The following ENPEP variants were observed in gnomAD, a reference collection of about 807,000 sequenced individuals.
The protein encoded by ENPEP is AP-A.
A neutral mutation model predicts 114.5 loss-of-function variants in ENPEP; 103 were observed. The observed-to-expected ratio is 0.90, with a 90% CI of 0.77 to 1.06. ENPEP has a LOEUF of 1.06. ENPEP is among the 50% of genes least tolerant of loss of function. The pLI is 0.00. For synonymous variants in ENPEP, 420 were observed against 422.0 expected (o/e 1.00, Z 0.06); for missense variants, 1,196 against 1,161.3 (o/e 1.03, Z -0.43).
At chr4:110,514,554 C>A (rs1472716322) in intron 7 of ENPEP, among the ~76,000 whole-genome samples, 1 of 151,970 alleles carries the variant, frequency 6.6e-6, no homozygotes, top group South Asian at 2.1e-4. Flanking sequence ...TTTATTCAAT[C>A]ATTTTTCCCC....
At chr4:110,531,750 T>A (rs2110375053) in intron 11 of ENPEP, among the ~76,000 whole-genome samples, 1 of 152,268 alleles carries the variant, frequency 6.6e-6, no homozygotes, top group Admixed American at 6.5e-5. Context: ...TAGAGTTGTA[T>A]AAAAACAAGT....
intron 12 of ENPEP, 51 bp downstream of exon 12, chr4:110,542,938 T>G (rs1423398235): frequency 6.2e-7 from 1 of 1,610,786 alleles, no homozygotes; most frequent in Admixed American, 1.7e-5. Flanking sequence ...AAGAACAGCA[T>G]CTTAATGATA....
At chr4:110,482,722 T>C (rs565420023) in intron 1 of ENPEP, among the ~76,000 whole-genome samples, 4 of 152,294 alleles carry the variant, frequency 2.6e-5, no homozygotes, top group Non-Finnish European at 4.4e-5. Flanking sequence ...AAAGAATAGA[T>C]TTTAGGTTGG....
rs146261286 is a variant in ENPEP at position 110,520,284 on chromosome 4, G to A, written c.1645G>A (p.Val549Met). Residue 549 changes from valine (V) to methionine (M), a missense_variant, in exon 10 of 20, where the codon GTG (valine) becomes ATG (methionine). Transcript: ENST00000265162. ...ACAGATGGGTTATCCTGTGCTTAAC[G>A]TGAACGGTGTCAAGAACATCACACA... The part of the protein sequence containing the change: ...TRQMGYPVLN[V>M]NGVKNITQKR... The A allele has an allele frequency of 4.0e-5, 64 of 1,613,912 alleles. No homozygotes were observed. Among genetic ancestry groups the A allele is most frequent in the East Asian group, 1.6e-4 (7 of 44,878 alleles).
intron 13 of ENPEP, among the ~76,000 whole-genome samples, chr4:110,546,927 A>G (rs1319159813): frequency 6.6e-6 from 1 of 152,076 alleles, no homozygotes; most frequent in Non-Finnish European, 1.5e-5. Flanking sequence ...CTAGCCAAAG[A>G]ACCCAAGCAC....
At chr4:110,489,439 T>A (rs1724620653) in intron 2 of ENPEP, among the ~76,000 whole-genome samples, 1 of 152,054 alleles carries the variant, frequency 6.6e-6, no homozygotes, top group South Asian at 2.1e-4. Context: ...CGACAGCATT[T>A]GGAGAAATAC....
chr4:110,534,067 A>G (rs1726513635), intron 11 of ENPEP, among the ~76,000 whole-genome samples: 1 of 152,100 alleles, frequency 6.6e-6, no homozygotes, highest in African/African-American at 2.4e-5. Flanking sequence ...TTCCTGTTTA[A>G]GGACATCTTC....
At chr4:110,498,266 G>C (rs1308221310) in intron 3 of ENPEP, among the ~76,000 whole-genome samples, 1 of 152,068 alleles carries the variant, frequency 6.6e-6, no homozygotes, top group Admixed American at 6.6e-5. Flanking sequence ...GAGTGCCAAG[G>C]ATCTCAGCTT....
At chr4:110,509,192 T>A (rs1725482244) in intron 4 of ENPEP, among the ~76,000 whole-genome samples, 1 of 152,236 alleles carries the variant, frequency 6.6e-6, no homozygotes, top group Non-Finnish European at 1.5e-5. Context: ...GGTATTTCTA[T>A]CAATATTTTA....
At position 110,476,626 on chromosome 4, in the gene ENPEP, C is replaced by T; in HGVS notation, c.212C>T (p.Pro71Leu). 6.2e-7 allele frequency: 1 copy of T among 1,614,198 alleles called. No homozygotes were observed. The highest frequency in any genetic ancestry group is 8.5e-7 in the Non-Finnish European group (1 of 1,180,052). The change falls in exon 1 of 20, where the codon CCT (proline) becomes CTT (leucine). Residue 71 changes from proline to leucine, a missense_variant. Transcript: ENST00000265162. ...TCCACGGCCAGCCCCTCAGGTCCTC[C>T]TGCCCAGGACCAGGACATCTGCCCG... ...PSSTASPSGPPAQDQDICPAS... is the reference protein window; with the variant it reads ...PSSTASPSGPLAQDQDICPAS...
In ENPEP at chr4:110,561,717, C is replaced by T; in HGVS notation, c.*159C>T. 3.0e-6 allele frequency: 2 copies of T among 664,634 alleles called. No individual in the cohort carries two copies. Among genetic ancestry groups the T allele is most frequent in the South Asian group, 2.3e-5 (1 of 44,430 alleles). The allele number at this position is 664,634 out of a possible 1,614,324, so 41.2% of individuals were successfully genotyped here. A position where few individuals can be genotyped will look rare whatever the true frequency, so the allele number is the denominator to read the frequency against. On this transcript the variant is annotated 3_prime_UTR_variant, in exon 20 of 20. Transcript: ENST00000265162. ...GTCTTGCAAAGCCTTTAAATTGTTCCTCTTTGTTTATGAAGAAAGATACTA... is the reference window on the plus strand; with the variant it reads ...GTCTTGCAAAGCCTTTAAATTGTTCTTCTTTGTTTATGAAGAAAGATACTA...
At chr4:110,480,841 G>C (rs181273093) in intron 1 of ENPEP, among the ~76,000 whole-genome samples, 1 of 152,074 alleles carries the variant, frequency 6.6e-6, no homozygotes, top group Non-Finnish European at 1.5e-5. Context: ...TTCCTTTATC[G>C]ATCTACCTCT....
In ENPEP at chr4:110,505,576, C is replaced by T. The variant is rs779582706; in HGVS notation, c.919-1061C>T. 4.6e-5 allele frequency among the ~76,000 whole-genome samples: 7 copies of T among 152,160 alleles called. 1 individual carries two copies. Among genetic ancestry groups the T allele is most frequent in the South Asian group, 4.1e-4 (2 of 4,830 alleles). Reference sequence around the variant, plus strand: ...CCTAAGTGAATACCAAAACTAGCAACGCATTGGGAATAATAAAGAGAGTGG... The same window carrying T: ...CCTAAGTGAATACCAAAACTAGCAATGCATTGGGAATAATAAAGAGAGTGG... On this transcript the variant is annotated intron_variant, in intron 3 of 19. Coordinates refer to ENST00000265162, the MANE Select transcript of ENPEP (RefSeq NM_001977.4).
chr4:110,503,151 A>G (rs9992936), intron 3 of ENPEP, among the ~76,000 whole-genome samples: 87,197 of 151,784 alleles, frequency 0.57, 25,203 homozygotes, highest in East Asian at 0.68. Flanking sequence ...GAGAATATGC[A>G]GTGTTTGGTT....
chr4:110,501,553 T>C (rs1263399316), intron 3 of ENPEP, among the ~76,000 whole-genome samples: 1 of 152,222 alleles, frequency 6.6e-6, no homozygotes, highest in Non-Finnish European at 1.5e-5. Context: ...TCTGCTGCTA[T>C]GCTAGTTCTC....
intron 8 of ENPEP, chr4:110,515,888 G>C (rs1725746688): frequency 2.3e-6 from 1 of 433,042 alleles, no homozygotes; most frequent in African/African-American, 2.0e-5. Context: ...TCATAGCAGA[G>C]AGAGAGAGAG....
chr4:110,556,987 A>G (rs999124411), intron 18 of ENPEP, among the ~76,000 whole-genome samples: 2 of 152,184 alleles, frequency 1.3e-5, no homozygotes, highest in African/African-American at 4.8e-5. Flanking sequence ...ACACAAATAC[A>G]TGTATACTTT....
intron 8 of ENPEP, among the ~76,000 whole-genome samples, chr4:110,516,096 TATCTATAAAG>T (rs1243870169): frequency 1.3e-5 from 2 of 152,228 alleles, no homozygotes; most frequent in Non-Finnish European, 2.9e-5. Flanking sequence ...CATCTAAATT[TATCTATAAAG>T]GTCATTCCTT....
intron 1 of ENPEP, among the ~76,000 whole-genome samples, chr4:110,479,256 A>C (rs1724222464): frequency 6.6e-6 from 1 of 152,186 alleles, no homozygotes; most frequent in Non-Finnish European, 1.5e-5. Context: ...GATTCGATGG[A>C]TACATGGTAG....
Sources: gnomAD v4.1 joint callset for allele counts (sites outside exome capture counted in the v4.1 genomes callset) on GRCh38, gnomAD v4.1.1 for gene constraint, MANE v1.5 for transcripts, NCBI Gene and HGNC (gene_info 2026-07-23, HGNC 2026-07-21) for gene names.